The following RARB variants were observed in gnomAD, a reference collection of about 807,000 sequenced individuals.
RARB encodes retinoic acid receptor beta, also known as HBV-activated protein.
In RARB, 17 loss-of-function variants were observed where a neutral mutation model predicts 51.9. The ratio of observed to expected loss-of-function variants is 0.33; its 90% confidence interval spans 0.22 to 0.49. The LOEUF (loss-of-function observed/expected upper bound fraction) is 0.49. Ranked by LOEUF, RARB falls within the 20% of genes least tolerant of loss-of-function variation. The pLI, the probability that RARB is intolerant of heterozygous loss-of-function variation, is 0.99. For synonymous variants in RARB, 215 were observed against 195.4 expected, an observed-to-expected ratio of 1.10 and a Z score of -0.84; for missense variants, 369 against 550.8, an observed-to-expected ratio of 0.67 and a Z score of 3.30.
intron 5 of RARB, among the ~76,000 whole-genome samples, chr3:25,258,686 G>A (rs4681042): frequency 6.6e-6 from 1 of 152,072 alleles, no homozygotes; most frequent in Admixed American, 6.6e-5. Context: ...TGGTTCTGGA[G>A]GCTGGGAAGT....
At chr3:25,244,411 C>G (rs1702506465) in intron 5 of RARB, among the ~76,000 whole-genome samples, 2 of 151,626 alleles carry the variant, frequency 1.3e-5, no homozygotes, top group African/African-American at 4.9e-5. Context: ...GTTAGGGTGT[C>G]AATTTTAGAT....
chr3:24,889,012 T>C (rs1450800853), intron 2 of RARB, among the ~76,000 whole-genome samples: 2 of 152,178 alleles, frequency 1.3e-5, no homozygotes, highest in African/African-American at 2.4e-5. Context: ...TTTAATTGGA[T>C]AATAGAATGA....
chr3:25,409,080 A>G (rs1354105871), intron 5 of RARB, among the ~76,000 whole-genome samples: 1 of 152,180 alleles, frequency 6.6e-6, no homozygotes, highest in Non-Finnish European at 1.5e-5. Flanking sequence ...ATGCTATTAA[A>G]TGCTCAAGTA....
intron 3 of RARB, among the ~76,000 whole-genome samples, chr3:25,536,611 C>T (rs1699152146): frequency 6.6e-6 from 1 of 152,170 alleles, no homozygotes; most frequent in Non-Finnish European, 1.5e-5. Context: ...AAACAATCAA[C>T]AATTTTTATC....
At chr3:25,335,377 A>T (rs1237783626) in intron 5 of RARB, among the ~76,000 whole-genome samples, 1 of 152,242 alleles carries the variant, frequency 6.6e-6, no homozygotes, top group Non-Finnish European at 1.5e-5. Context: ...TTGGATAAAA[A>T]TAATTGTCAG....
At chr3:24,977,578 A>T (rs1696545783) in intron 2 of RARB, among the ~76,000 whole-genome samples, 1 of 152,172 alleles carries the variant, frequency 6.6e-6, no homozygotes, top group South Asian at 2.1e-4. Context: ...TTATTGGTGT[A>T]TAGGAAAGCT....
At chr3:24,864,659 C>T (rs969110726) in intron 2 of RARB, among the ~76,000 whole-genome samples, 2 of 152,162 alleles carry the variant, frequency 1.3e-5, no homozygotes, top group Admixed American at 6.5e-5. Context: ...AGGCCCAAAT[C>T]CAGGCTGCTA....
At chr3:25,216,699 GT>G (rs552371017) in intron 5 of RARB, among the ~76,000 whole-genome samples, 142 of 145,230 alleles carry the variant, frequency 9.8e-4, no homozygotes, top group East Asian at 2.4e-3. Flanking sequence ...CGTGTATCCT[GT>G]TTTTTTTTTA....
chr3:25,582,610 G>C (rs1346091076), intron 5 of RARB, among the ~76,000 whole-genome samples: 1 of 152,050 alleles, frequency 6.6e-6, no homozygotes, highest in Non-Finnish European at 1.5e-5. Flanking sequence ...CACACACTTA[G>C]TGATCAGGGT....
At chr3:25,055,009 T>C (rs1289990688) in intron 2 of RARB, among the ~76,000 whole-genome samples, 1 of 152,188 alleles carries the variant, frequency 6.6e-6, no homozygotes, top group African/African-American at 2.4e-5. Flanking sequence ...TACTGTCTCA[T>C]CAGTCTCTAA....
In RARB at chr3:25,434,918, C is replaced by G. The variant is rs1226156583; in HGVS notation, c.157+6030C>G. ...AACATTGCTAAAGCCATTTCATTTG[C>G]TACCAGCCCTGAAACCACTTAGCAG... On this transcript the variant is annotated intron_variant, in intron 1 of 7. Transcript: ENST00000330688. Among the ~76,000 whole-genome samples, 5 of 152,162 alleles carry G rather than the reference C, an allele frequency of 3.3e-5. No homozygotes were observed. In the East Asian group the frequency reaches 7.7e-4, roughly 23 times the overall value.
chr3:25,244,677 GTGTT>G (rs1559520862), intron 5 of RARB, among the ~76,000 whole-genome samples: 1 of 152,004 alleles, frequency 6.6e-6, no homozygotes, highest in African/African-American at 2.4e-5. Flanking sequence ...GTCTGAGAGA[GTGTT>G]TGTTATGATT....
intron 1 of RARB, among the ~76,000 whole-genome samples, chr3:25,453,388 C>G (rs1360733074): frequency 6.6e-6 from 1 of 151,800 alleles, no homozygotes; most frequent in East Asian, 1.9e-4. Flanking sequence ...GCTGGGATTA[C>G]AGGCATGCAT....
chr3:25,474,367 A>G (rs1202943451), intron 2 of RARB, among the ~76,000 whole-genome samples: 1 of 152,236 alleles, frequency 6.6e-6, no homozygotes, highest in Non-Finnish European at 1.5e-5. Context: ...CATGTTTTCA[A>G]TAAGAAATAC....
chr3:25,187,485 A>G (rs138663426), intron 5 of RARB, among the ~76,000 whole-genome samples: 2 of 152,220 alleles, frequency 1.3e-5, no homozygotes, highest in East Asian at 1.9e-4. Flanking sequence ...TTACATTTTT[A>G]TAGCTTATTA....
intron 4 of RARB, among the ~76,000 whole-genome samples, chr3:25,159,392 C>T (rs923791244): frequency 7.3e-6 from 1 of 136,814 alleles, no homozygotes; most frequent in Admixed American, 8.0e-5. Flanking sequence ...TGGTCTCGAA[C>T]TCCTGACCTC....
rs545879530 is a variant in RARB, at chr3:25,312,259, G to C, written c.178+137684G>C. Among the ~76,000 whole-genome samples the C allele has an allele frequency of 3.9e-5, 6 of 152,216 alleles. No individual in the cohort carries two copies. The South Asian group carries it at 1.2e-3, about 32-fold the overall frequency. On this transcript the variant is annotated intron_variant, in intron 5 of 11. Coordinates refer to the RARB transcript ENST00000383772. Reference sequence around the variant, plus strand: ...AGGTTATCATTAAAAGTAATATACTGACTTTTCTGTAGATTTTGATAGCTT... The same window carrying C: ...AGGTTATCATTAAAAGTAATATACTCACTTTTCTGTAGATTTTGATAGCTT...
intron 4 of RARB, among the ~76,000 whole-genome samples, chr3:25,578,566 A>T (rs1371336002): frequency 6.6e-6 from 1 of 152,220 alleles, no homozygotes. Context: ...TCTTCCTACG[A>T]ACCGGATAAA....
chr3:25,309,196 T>C (rs993445313), intron 5 of RARB, among the ~76,000 whole-genome samples: 8 of 142,772 alleles, frequency 5.6e-5, no homozygotes, highest in African/African-American at 2.1e-4. Context: ...TGGAGTGCAG[T>C]GTGGTGCAAT....
Sources: gnomAD v4.1 joint callset for allele counts (sites outside exome capture counted in the v4.1 genomes callset) on GRCh38, gnomAD v4.1.1 for gene constraint, MANE v1.5 for transcripts, NCBI Gene and HGNC (gene_info 2026-07-23, HGNC 2026-07-21) for gene names.